ATP7A: variants seen among roughly 807,000 people sequenced by gnomAD.
ATP7A encodes the protein copper-transporting ATPase 1.
In ATP7A, 7 loss-of-function variants were observed where a neutral mutation model predicts 83.5. The ratio of observed to expected loss-of-function variants is 0.08; its 90% CI spans 0.05 to 0.16. The LOEUF (loss-of-function observed/expected upper bound fraction) is 0.16. Among genes scored for constraint, ATP7A ranks in the 10% least tolerant of loss-of-function variants. The pLI, the probability that ATP7A is intolerant of heterozygous loss-of-function variation, is 1.00. For synonymous variants in ATP7A, 354 were observed against 395.2 expected (o/e 0.90, Z 1.24); for missense variants, 940 against 1,120.8 (o/e 0.84, Z 2.30).
intron 2 of ATP7A, among the ~76,000 whole-genome samples, chrX:77,979,749 T>C (rs2077594841): frequency 8.9e-6 from 1 of 112,630 alleles, no homozygotes; most frequent in African/African-American, 3.2e-5. Flanking sequence ...ATTAACAGAA[T>C]TCAAAAAGAG....
chrX:77,968,426 C>A (rs1490351715), intron 1 of ATP7A, among the ~76,000 whole-genome samples: 1 of 112,250 alleles, frequency 8.9e-6, no homozygotes, highest in Non-Finnish European at 1.9e-5. Flanking sequence ...AGATTACATT[C>A]ATCTTCCACT....
chrX:78,008,620 AC>A (rs2077794033), intron 6 of ATP7A, among the ~76,000 whole-genome samples: 1 of 111,133 alleles, frequency 9.0e-6, no homozygotes, highest in African/African-American at 3.3e-5. Context: ...GAATTTGGAG[AC>A]TTTTAATGAG....
intron 8 of ATP7A, 81 bp from the exon 9 acceptor site, chrX:78,011,368 T>C: frequency 9.5e-7 from 1 of 1,047,297 alleles, no homozygotes; most frequent in Non-Finnish European, 1.3e-6. Flanking sequence ...TCACAATGTA[T>C]ATCTCTCTGT....
intron 1 of ATP7A, among the ~76,000 whole-genome samples, chrX:77,921,657 C>G (rs1324209028): frequency 8.9e-6 from 1 of 112,060 alleles, no homozygotes; most frequent in African/African-American, 3.2e-5. Flanking sequence ...AATCCCAGCA[C>G]TTTGGGAGTC....
intron 1 of ATP7A, among the ~76,000 whole-genome samples, chrX:77,949,262 C>T (rs1314829555): frequency 3.6e-5 from 4 of 111,923 alleles, no homozygotes; most frequent in Non-Finnish European, 7.5e-5. Context: ...TCTTCCTTTC[C>T]TTCCCTGTAT....
At chrX:77,962,956 C>T (rs1396838259) in intron 1 of ATP7A, 1 of 287,355 alleles carries the variant, frequency 3.5e-6, no homozygotes, top group Non-Finnish European at 6.8e-6. Flanking sequence ...CATATATGAT[C>T]ATTTCACATG....
intron 18 of ATP7A, among the ~76,000 whole-genome samples, chrX:78,039,644 G>C (rs1225808628): frequency 8.9e-6 from 1 of 112,059 alleles, no homozygotes. Flanking sequence ...CACAACGTCA[G>C]TTTTAATTTT....
At chrX:77,961,525 C>T (rs1204725967) in intron 1 of ATP7A, among the ~76,000 whole-genome samples, 1 of 111,851 alleles carries the variant, frequency 8.9e-6, no homozygotes, top group Admixed American at 9.5e-5. Flanking sequence ...CCATTTGACC[C>T]ATAAGATACA....
At position 77,989,137 on chromosome X, in the gene ATP7A, G is replaced by C. The variant is rs1472208915; in HGVS notation, c.611-96G>C. The C allele has an allele frequency of 9.3e-6, 9 of 962,784 alleles. No individual in the cohort carries two copies. The East Asian group carries it at 2.9e-4, about 31-fold the overall frequency. The allele number at this position is 962,784 out of a possible 1,213,427, so 79.3% of individuals were successfully genotyped here. ...AAAATATGATGACAAGAATGAGAGAGAAACAATTATTTGTGGTTATTGATT... is the reference window on the plus strand; with the variant it reads ...AAAATATGATGACAAGAATGAGAGACAAACAATTATTTGTGGTTATTGATT... On this transcript the variant is annotated intron_variant, in intron 3 of 22. Coordinates refer to ENST00000341514, the MANE Select transcript of ATP7A (RefSeq NM_000052.7).
chrX:78,004,674 G>A (rs1169869568), intron 6 of ATP7A, among the ~76,000 whole-genome samples: 3 of 110,263 alleles, frequency 2.7e-5, no homozygotes, highest in Non-Finnish European at 5.7e-5. Context: ...CTTGAGGTCA[G>A]GAGTTCAAGA....
chrX:77,992,447 A>G (rs1035174636), intron 4 of ATP7A, among the ~76,000 whole-genome samples: 6 of 111,479 alleles, frequency 5.4e-5, no homozygotes, highest in Non-Finnish European at 1.1e-4. Context: ...AAGGGACTCT[A>G]GTACCAAAAG....
At chrX:77,931,788 C>T (rs2077279552) in intron 1 of ATP7A, among the ~76,000 whole-genome samples, 1 of 104,244 alleles carries the variant, frequency 9.6e-6, no homozygotes, top group African/African-American at 3.5e-5. Context: ...CCCCACCTCC[C>T]TCCTGGACGG....
intron 1 of ATP7A, among the ~76,000 whole-genome samples, chrX:77,949,182 G>A (rs1485390222): frequency 9.0e-6 from 1 of 111,699 alleles, no homozygotes; most frequent in Non-Finnish European, 1.9e-5. Flanking sequence ...GAGCCACTGC[G>A]CCCGGCCTTA....
At chrX:78,020,161 A>G (rs1307886320) in intron 12 of ATP7A, 83 bp from the exon 13 acceptor site, 2 of 1,072,518 alleles carry the variant, frequency 1.9e-6, no homozygotes, top group African/African-American at 1.8e-5. Context: ...ATATCTAGAT[A>G]TTTTTGACAA....
At chrX:78,005,962 CT>C (rs1386318925) in intron 6 of ATP7A, among the ~76,000 whole-genome samples, 6 of 111,381 alleles carry the variant, frequency 5.4e-5, no homozygotes, top group Non-Finnish European at 9.4e-5. Flanking sequence ...CCCAAAATTT[CT>C]TTTCTATGAT....
At chrX:77,965,394 A>G in intron 1 of ATP7A, 1 of 322,929 alleles carries the variant, frequency 3.1e-6, no homozygotes, top group African/African-American at 2.6e-5. Context: ...ATATACAAAT[A>G]CCCAATAAGC....
chrX:78,035,150 T>C (rs1331583734), intron 17 of ATP7A, among the ~76,000 whole-genome samples: 1 of 111,688 alleles, frequency 9.0e-6, no homozygotes, highest in East Asian at 2.8e-4. Context: ...ATACATACTC[T>C]CTCTGTACAA....
chrX:77,933,378 C>T (rs782392286), intron 1 of ATP7A, among the ~76,000 whole-genome samples: 1 of 109,445 alleles, frequency 9.1e-6, no homozygotes, highest in African/African-American at 3.5e-5. Context: ...TGTTTTTAAC[C>T]ATTATGCCTC....
intron 17 of ATP7A, among the ~76,000 whole-genome samples, chrX:78,038,049 G>C (rs1458564141): frequency 2.1e-5 from 2 of 94,797 alleles, no homozygotes; most frequent in African/African-American, 8.2e-5. Context: ...TGCAGGAGTG[G>C]GCGGGGAGAA....
Sources: gnomAD v4.1 joint callset for allele counts (sites outside exome capture counted in the v4.1 genomes callset) on GRCh38, gnomAD v4.1.1 for gene constraint, MANE v1.5 for transcripts, NCBI Gene and HGNC (gene_info 2026-07-23, HGNC 2026-07-21) for gene names.